The following CCDC171 variants were observed in gnomAD, a reference collection of about 807,000 sequenced individuals.
The protein encoded by CCDC171 is coiled-coil domain-containing protein 171.
In CCDC171, 177 loss-of-function variants were observed where a neutral mutation model predicts 168.2. The observed-to-expected ratio is 1.05, with a 90% confidence interval of 0.93 to 1.19. CCDC171 has a LOEUF of 1.19. Among genes scored for constraint, CCDC171 ranks in the 50% most tolerant of loss-of-function variants. CCDC171 has a pLI of 0.00. For missense variants in CCDC171, 1,991 were observed against 1,539.0 expected, an observed-to-expected ratio of 1.29 and a Z score of -4.91; for synonymous variants, 687 against 540.8, an observed-to-expected ratio of 1.27 and a Z score of -3.75.
the CCDC171 span, among the ~76,000 whole-genome samples, chr9:16,095,554 C>G: frequency 6.6e-6 from 1 of 152,066 alleles, no homozygotes; most frequent in Non-Finnish European, 1.5e-5. Context: ...CTCTCTCTCT[C>G]TCGCGCACAC....
Position 15,695,300 on chromosome 9 carries a change from C to T in CCDC171, c.1281C>T (p.Ile427=). 1 of 1,614,056 alleles carries T rather than the reference C, an allele frequency of 6.2e-7. No individual in the cohort carries two copies. Among genetic ancestry groups the T allele is most frequent in the Non-Finnish European group, 8.5e-7 (1 of 1,179,940 alleles). The change falls in exon 11 of 26, where the codon ATC becomes ATT. Residue 427 remains isoleucine, a synonymous_variant. Coordinates refer to ENST00000380701, the MANE Select transcript of CCDC171 (RefSeq NM_173550.4). ...CENNVKELES[I]LDSFTVSGQW... is the part of the protein sequence containing the mutation. Reference sequence around the variant, plus strand: ...ATAACGTGAAAGAATTGGAATCGATCTTGGACAGCTTTACTGTGTCGGGCC... The same window carrying T: ...ATAACGTGAAAGAATTGGAATCGATTTTGGACAGCTTTACTGTGTCGGGCC...
chr9:15,956,399 A>G (rs912436463), intron 25 of CCDC171, among the ~76,000 whole-genome samples: 1 of 152,194 alleles, frequency 6.6e-6, no homozygotes, highest in African/African-American at 2.4e-5. Context: ...CTTAGTAACT[A>G]TAAGGATCTG....
chr9:16,082,577 C>G, the CCDC171 span, among the ~76,000 whole-genome samples: 1 of 152,128 alleles, frequency 6.6e-6, no homozygotes, highest in African/African-American at 2.4e-5. Context: ...ATAAACTTTT[C>G]TAGTTTTATT....
intron 23 of CCDC171, among the ~76,000 whole-genome samples, chr9:15,872,861 G>GA (rs1817354203): frequency 6.6e-6 from 1 of 151,996 alleles, no homozygotes; most frequent in Non-Finnish European, 1.5e-5. Context: ...AAAAGCAAGA[G>GA]AAGGTATTCA....
intron 21 of CCDC171, among the ~76,000 whole-genome samples, chr9:15,796,792 A>G (rs1428502068): frequency 1.3e-5 from 2 of 152,100 alleles, no homozygotes; most frequent in Admixed American, 6.5e-5. Flanking sequence ...GCAGGGTGCA[A>G]GATGGGCCAA....
At chr9:16,006,163 A>G (rs117498992) in intron 3 of CCDC171, among the ~76,000 whole-genome samples, 2,290 of 152,238 alleles carry the variant, frequency 0.015, 33 homozygotes, top group Non-Finnish European at 0.022. Flanking sequence ...TGCCCAACCA[A>G]GAAGGTTCTA....
intron 3 of CCDC171, among the ~76,000 whole-genome samples, chr9:15,987,816 C>A (rs1270852309): frequency 6.6e-6 from 1 of 151,930 alleles, no homozygotes; most frequent in Non-Finnish European, 1.5e-5. Context: ...GGGATGGGAC[C>A]CAAGTCTAAA....
intron 23 of CCDC171, among the ~76,000 whole-genome samples, chr9:15,865,481 C>T (rs1452454164): frequency 6.6e-6 from 1 of 151,562 alleles, no homozygotes; most frequent in Non-Finnish European, 1.5e-5. Flanking sequence ...TCCAACTCTG[C>T]CATCCATGAG....
intron 23 of CCDC171, among the ~76,000 whole-genome samples, chr9:15,849,616 T>C (rs1270674196): frequency 6.6e-6 from 1 of 151,774 alleles, no homozygotes; most frequent in Non-Finnish European, 1.5e-5. Flanking sequence ...GATGTGTTCA[T>C]TATTTCATCA....
At chr9:15,905,967 A>T (rs1029931263) in intron 24 of CCDC171, among the ~76,000 whole-genome samples, 1 of 152,222 alleles carries the variant, frequency 6.6e-6, no homozygotes, top group African/African-American at 2.4e-5. Context: ...CCCAAGACTA[A>T]ACCAGGAAGA....
At chr9:15,787,454 A>C (rs1012738554) in intron 21 of CCDC171, among the ~76,000 whole-genome samples, 4 of 152,136 alleles carry the variant, frequency 2.6e-5, no homozygotes, top group African/African-American at 9.6e-5. Context: ...ACTTAGATTT[A>C]TCCCAGCTTC....
intron 11 of CCDC171, among the ~76,000 whole-genome samples, chr9:15,712,898 G>A (rs1018380858): frequency 2.0e-5 from 3 of 152,142 alleles, no homozygotes; most frequent in Non-Finnish European, 4.4e-5. Flanking sequence ...GACAAAGATG[G>A]CTAGGAAAAA....
rs1468228944 is a variant in CCDC171 at position 15,781,557 on chromosome 9, G to A, written c.3081+2407G>A. On this transcript the variant is annotated intron_variant, in intron 20 of 25. Transcript: ENST00000380701. ...CTCAGCAGTAGTTGGTGTTACAGGC[G>A]CCCACCACCACGCTCAGCTAATTTT... Among the ~76,000 whole-genome samples, 5 of 151,994 alleles carry A rather than the reference G, an allele frequency of 3.3e-5. No homozygotes were observed. In the East Asian group the frequency reaches 7.8e-4, roughly 24 times the overall value.
At chr9:15,751,909 G>T (rs980625694) in intron 18 of CCDC171, among the ~76,000 whole-genome samples, 3 of 152,102 alleles carry the variant, frequency 2.0e-5, no homozygotes, top group Non-Finnish European at 4.4e-5. Context: ...ATAGACAAAT[G>T]GAATCTAATT....
chr9:15,580,622 T>C (rs2041034165), intron 4 of CCDC171, among the ~76,000 whole-genome samples: 1 of 151,944 alleles, frequency 6.6e-6, no homozygotes, highest in Admixed American at 6.6e-5. Flanking sequence ...AAAAAACATA[T>C]GAAAAAATGT....
At chr9:15,591,294 A>G in intron 4 of CCDC171, 72 bp from the exon 5 acceptor site, 2 of 870,286 alleles carry the variant, frequency 2.3e-6, no homozygotes, top group South Asian at 1.6e-5. Flanking sequence ...GTCAACTCCA[A>G]TGCCTAGGTT....
exon 2 of CCDC171, chr9:16,060,978 G>C (rs55700515): frequency 6.6e-6 from 1 of 152,200 alleles, no homozygotes; most frequent in Non-Finnish European, 1.5e-5. Flanking sequence ...CACACCTGCA[G>C]TTTTTCCATT....
intron 21 of CCDC171, among the ~76,000 whole-genome samples, chr9:15,788,151 G>A (rs1257037951): frequency 6.6e-6 from 1 of 152,050 alleles, no homozygotes; most frequent in African/African-American, 2.4e-5. Flanking sequence ...CTCTCTTGTG[G>A]GAGGCAACAT....
intron 21 of CCDC171, among the ~76,000 whole-genome samples, chr9:15,832,370 T>C (rs746933833): frequency 1.1e-4 from 17 of 152,182 alleles, no homozygotes; most frequent in Non-Finnish European, 1.3e-4. Context: ...CTCTGAGAAA[T>C]GTGTCAGACA....
Sources: gnomAD v4.1 joint callset for allele counts (sites outside exome capture counted in the v4.1 genomes callset) on GRCh38, gnomAD v4.1.1 for gene constraint, MANE v1.5 for transcripts, NCBI Gene and HGNC (gene_info 2026-07-23, HGNC 2026-07-21) for gene names.